The following LRP1B variants were observed in gnomAD, a reference collection of about 807,000 sequenced individuals.
LRP1B encodes the protein low-density lipoprotein receptor-related protein 1B.
LRP1B carries 217 observed loss-of-function variants against 556.6 expected under a neutral mutation model. The observed-to-expected ratio is 0.39, with a 90% CI of 0.35 to 0.44. The LOEUF (loss-of-function observed/expected upper bound fraction) is 0.44. Among genes scored for constraint, LRP1B ranks in the 20% least tolerant of loss-of-function variants. LRP1B has a pLI of 1.00. For missense variants in LRP1B, 5,053 were observed against 5,620.8 expected (o/e 0.90, Z 3.23); for synonymous variants, 2,047 against 1,865.8 (o/e 1.10, Z -2.50).
At chr2:140,608,606 G>A (rs1682955746) in intron 41 of LRP1B, among the ~76,000 whole-genome samples, 1 of 152,172 alleles carries the variant, frequency 6.6e-6, no homozygotes, top group Non-Finnish European at 1.5e-5. Context: ...TTTAACAAAG[G>A]CAAGCTTTTA....
chr2:140,731,740 C>T (rs1687786033), intron 35 of LRP1B, among the ~76,000 whole-genome samples: 1 of 135,266 alleles, frequency 7.4e-6, no homozygotes, highest in East Asian at 2.1e-4. Flanking sequence ...TGCACTCCAG[C>T]CTGGCAACAG....
intron 3 of LRP1B, among the ~76,000 whole-genome samples, chr2:141,443,147 T>C (rs1286292774): frequency 1.3e-5 from 2 of 152,188 alleles, no homozygotes; most frequent in South Asian, 2.1e-4. Flanking sequence ...TGGTATCTCA[T>C]TGTGGTTTTG....
chr2:141,220,336 G>C (rs907975080), intron 6 of LRP1B, among the ~76,000 whole-genome samples: 3 of 152,062 alleles, frequency 2.0e-5, no homozygotes, highest in Non-Finnish European at 4.4e-5. Context: ...AGAGCATGAA[G>C]ACTATATTGA....
At chr2:141,214,780 C>A (rs1359871339) in intron 6 of LRP1B, among the ~76,000 whole-genome samples, 1 of 152,074 alleles carries the variant, frequency 6.6e-6, no homozygotes, top group Non-Finnish European at 1.5e-5. Context: ...TGAATAAAAG[C>A]CGGTAGTCAC....
chr2:140,720,088 AG>A (rs1312855145), intron 35 of LRP1B, among the ~76,000 whole-genome samples: 10 of 152,070 alleles, frequency 6.6e-5, no homozygotes, highest in Admixed American at 3.9e-4. Context: ...TAGAAAGAGA[AG>A]ATTTTCAGAA....
chr2:141,057,597 T>A (rs1463224970), intron 9 of LRP1B, among the ~76,000 whole-genome samples: 1 of 151,854 alleles, frequency 6.6e-6, no homozygotes, highest in Non-Finnish European at 1.5e-5. Context: ...TCATGAGATC[T>A]GATGGTTTTA....
intron 2 of LRP1B, among the ~76,000 whole-genome samples, chr2:141,501,334 C>A (rs1231555108): frequency 6.6e-6 from 1 of 151,940 alleles, no homozygotes; most frequent in East Asian, 1.9e-4. Flanking sequence ...CTCCATGAGT[C>A]CCATAATATG....
chr2:140,546,956 T>G (rs903526266), intron 43 of LRP1B, among the ~76,000 whole-genome samples: 3 of 152,132 alleles, frequency 2.0e-5, no homozygotes, highest in Non-Finnish European at 4.4e-5. Flanking sequence ...TGAATCACCT[T>G]TATTGATTTG....
intron 2 of LRP1B, among the ~76,000 whole-genome samples, chr2:141,623,739 A>T (rs57660680): frequency 6.6e-6 from 1 of 151,326 alleles, no homozygotes; most frequent in Non-Finnish European, 1.5e-5. Context: ...GATTAGGGCC[A>T]AGCGGGGTGG....
At chr2:141,275,738 G>A (rs968296202) in intron 3 of LRP1B, among the ~76,000 whole-genome samples, 11 of 151,998 alleles carry the variant, frequency 7.2e-5, no homozygotes, top group African/African-American at 2.4e-4. Flanking sequence ...AGAAATATCA[G>A]TATAAGCATG....
At chr2:142,027,177 A>ACTG (rs1703535604) in intron 1 of LRP1B, among the ~76,000 whole-genome samples, 1 of 151,962 alleles carries the variant, frequency 6.6e-6, no homozygotes, top group African/African-American at 2.4e-5. Context: ...GAGTGGTCAG[A>ACTG]CTGCTGTATT....
intron 3 of LRP1B, among the ~76,000 whole-genome samples, chr2:141,262,498 C>T (rs557192218): frequency 6.6e-6 from 1 of 152,062 alleles, no homozygotes; most frequent in African/African-American, 2.4e-5. Context: ...TTCGGGAGTT[C>T]TAAGAAATCC....
chr2:141,241,081 C>T (rs922845082), intron 5 of LRP1B, among the ~76,000 whole-genome samples: 5 of 151,976 alleles, frequency 3.3e-5, no homozygotes, highest in Non-Finnish European at 5.9e-5. Flanking sequence ...TGTACCCCAG[C>T]ACTGACATAC....
At chr2:140,870,312 G>A (rs1333248069) in intron 25 of LRP1B, among the ~76,000 whole-genome samples, 1 of 152,102 alleles carries the variant, frequency 6.6e-6, no homozygotes, top group Admixed American at 6.6e-5. Flanking sequence ...AGAGGTCAGA[G>A]GAACATTGGC....
At chr2:140,267,692 GA>G (rs1158470897) in intron 86 of LRP1B, among the ~76,000 whole-genome samples, 1 of 151,798 alleles carries the variant, frequency 6.6e-6, no homozygotes, top group Non-Finnish European at 1.5e-5. Flanking sequence ...GGAGTGTGGG[GA>G]TATAGAGGGC....
In LRP1B at chr2:140,350,888, A is replaced by G. The variant is rs776621411; in HGVS notation, c.11801T>C (p.Met3934Thr). ...ATTAAACTGAGTACTCCAAATAATC[A>G]TATCTCTTTGATAATATACATCCAT... ...TGMDVYYQRD[M>T]IIWSTQFNPG... Residue 3934 changes from methionine (M) to threonine (T), a missense_variant, in exon 77 of 91, where the codon ATG (methionine) becomes ACG (threonine). By Grantham distance (81) the Met-to-Thr change is moderately conservative. Coordinates refer to ENST00000389484, the MANE Select transcript of LRP1B (RefSeq NM_018557.3). The G allele has an allele frequency of 1.9e-6, 3 of 1,610,616 alleles. No individual in the cohort carries two copies. The highest frequency in any genetic ancestry group is 2.2e-5 in the East Asian group (1 of 44,586).
At chr2:140,576,151 G>C (rs758586310) in intron 43 of LRP1B, among the ~76,000 whole-genome samples, 20 of 151,982 alleles carry the variant, frequency 1.3e-4, no homozygotes, top group Non-Finnish European at 2.2e-4. Flanking sequence ...TTATAATAAA[G>C]AATTTAAAAG....
intron 47 of LRP1B, among the ~76,000 whole-genome samples, chr2:140,528,976 T>C (rs1690562053): frequency 6.6e-6 from 1 of 152,036 alleles, no homozygotes; most frequent in Admixed American, 6.6e-5. Flanking sequence ...CAAGTGAATA[T>C]GAAAGTTTTC....
chr2:140,589,219 C>T (rs1682117140), intron 43 of LRP1B, among the ~76,000 whole-genome samples: 2 of 152,010 alleles, frequency 1.3e-5, no homozygotes, highest in African/African-American at 2.4e-5. Flanking sequence ...AAATTTTGCT[C>T]AGCATAAATC....
Sources: allele counts gnomAD v4.1 joint callset (sites outside exome capture counted in the v4.1 genomes callset), GRCh38; gene constraint gnomAD v4.1.1; transcripts MANE v1.5; gene names NCBI Gene and HGNC (gene_info 2026-07-23, HGNC 2026-07-21).